CCDC30: variants seen among roughly 807,000 people sequenced by gnomAD.
CCDC30 encodes the protein coiled-coil domain containing 30.
CCDC30 carries 70 observed loss-of-function variants against 100.2 expected under a neutral mutation model. That is an observed-to-expected ratio of 0.70 (90% CI 0.58 to 0.85). The LOEUF is 0.85. Among genes scored for constraint, CCDC30 ranks in the 40% least tolerant of loss-of-function variants. The probability of loss-of-function intolerance (pLI) is 0.00; values close to 1 mark genes in which losing one functional copy is unlikely to be tolerated. For synonymous variants in CCDC30, 233 were observed against 269.5 expected, an observed-to-expected ratio of 0.86 and a Z score of 1.33; for missense variants, 652 against 771.2, an observed-to-expected ratio of 0.85 and a Z score of 1.83.
chr1:42,555,798 T>C (rs1645356071), intron 6 of CCDC30, among the ~76,000 whole-genome samples: 1 of 152,188 alleles, frequency 6.6e-6, no homozygotes, highest in Non-Finnish European at 1.5e-5. Flanking sequence ...GTGATTCTCA[T>C]GTCTCAGCCT....
chr1:42,547,382 C>T (rs1406820999), intron 6 of CCDC30, among the ~76,000 whole-genome samples: 1 of 152,112 alleles, frequency 6.6e-6, no homozygotes, highest in African/African-American at 2.4e-5. Flanking sequence ...GAGATGGTTG[C>T]CTACATTGAG....
At chr1:42,564,277 G>C (rs1434817292) in intron 6 of CCDC30, among the ~76,000 whole-genome samples, 1 of 152,140 alleles carries the variant, frequency 6.6e-6, no homozygotes, top group Non-Finnish European at 1.5e-5. Flanking sequence ...AAAGTGTATT[G>C]CTGGTGTTTG....
At chr1:42,474,612 C>A (rs1005637879) in intron 1 of CCDC30, among the ~76,000 whole-genome samples, 1 of 152,214 alleles carries the variant, frequency 6.6e-6, no homozygotes, top group African/African-American at 2.4e-5. Flanking sequence ...TCAGTTATTT[C>A]GGTAGTCTAC....
chr1:42,574,527 A>G (rs911596364), intron 7 of CCDC30, among the ~76,000 whole-genome samples: 5 of 152,080 alleles, frequency 3.3e-5, no homozygotes, highest in Non-Finnish European at 7.4e-5. Context: ...TTTTTCTTTG[A>G]TCAGTCTCAC....
intron 6 of CCDC30, among the ~76,000 whole-genome samples, chr1:42,551,775 G>GTGTGTGTGTC (rs1645257596): frequency 6.6e-6 from 1 of 150,970 alleles, no homozygotes; most frequent in African/African-American, 2.4e-5. Context: ...GTGTGTGTGT[G>GTGTGTGTGTC]ACTGGAACTT....
chr1:42,467,576 C>G (rs1643629276), intron 1 of CCDC30, among the ~76,000 whole-genome samples: 1 of 152,122 alleles, frequency 6.6e-6, no homozygotes. Flanking sequence ...ATGGGTTGTT[C>G]AAGCTGAGTT....
At position 42,611,309 on chromosome 1, in the gene CCDC30, C is replaced by T. The variant is rs551409472; in HGVS notation, c.1277+219C>T. ...AGAGAGGGAAGGAGAAGGGAATTAC[C>T]ATTCATTGAGCTTTGATGGTATTGA... On this transcript the variant is annotated intron_variant, in intron 11 of 16. Coordinates refer to ENST00000668663, the Ensembl canonical transcript of CCDC30. Among the ~76,000 whole-genome samples the T allele has an allele frequency of 3.3e-5, 5 of 152,198 alleles. No individual in the cohort carries two copies. The South Asian group carries it at 8.3e-4, about 25-fold the overall frequency.
intron 11 of CCDC30, among the ~76,000 whole-genome samples, chr1:42,613,451 G>A (rs1441533303): frequency 2.0e-5 from 3 of 152,030 alleles, no homozygotes; most frequent in Non-Finnish European, 4.4e-5. Flanking sequence ...TAGAGACGGG[G>A]TTTCACCGTG....
Position 42,498,933 on chromosome 1 carries a change from T to G in CCDC30, c.456+17T>G, listed in dbSNP as rs1388979805. On this transcript the variant is annotated intron_variant, in intron 6 of 16. Transcript: ENST00000668663. The stretch of plus-strand genomic sequence containing the variant: ...AGAGAACAGGTATTGTATTTTAAAG[T>G]TCTGTTCTTTCTGATCTCTAATTTT... 8.4e-7 allele frequency: 1 copy of G among 1,185,318 alleles called. No individual in the cohort carries two copies. The highest frequency in any genetic ancestry group is 1.1e-6 in the Non-Finnish European group (1 of 943,700). The allele number at this position is 1,185,318 out of a possible 1,614,324, so 73.4% of individuals were successfully genotyped here. A position where few individuals can be genotyped will look rare whatever the true frequency, so the allele number is the denominator to read the frequency against.
intron 6 of CCDC30, among the ~76,000 whole-genome samples, chr1:42,546,408 A>ACACATATATATATGTATATATG (rs1557843073): frequency 1.1e-3 from 7 of 6,222 alleles, no homozygotes; most frequent in African/African-American, 5.3e-3. Flanking sequence ...AAATATATAT[A>ACACATATATATATGTATATATG]TATATATATA....
chr1:42,490,841 A>G (rs1644127632), intron 4 of CCDC30, among the ~76,000 whole-genome samples: 1 of 152,226 alleles, frequency 6.6e-6, no homozygotes, highest in South Asian at 2.1e-4. Flanking sequence ...CCTGTGATCA[A>G]TACAAATCAT....
chr1:42,477,737 G>A, intron 1 of CCDC30, among the ~76,000 whole-genome samples: 1 of 152,198 alleles, frequency 6.6e-6, no homozygotes, highest in East Asian at 1.9e-4. Context: ...GCCAGTGGTT[G>A]TAGTTCAGTG....
chr1:42,571,401 T>C (rs1012799004), intron 7 of CCDC30: 1 of 152,128 alleles, frequency 6.6e-6, no homozygotes, highest in South Asian at 2.1e-4. Context: ...CTGGAGTGCC[T>C]TTTTAGAAGA....
chr1:42,613,341 G>GCCT (rs1319750385), intron 11 of CCDC30, among the ~76,000 whole-genome samples: 2 of 152,040 alleles, frequency 1.3e-5, no homozygotes, highest in African/African-American at 4.8e-5. Context: ...TGCAAGCTCC[G>GCCT]CCTCCCAGGT....
At chr1:42,648,247 G>A (rs1299766425) in intron 15 of CCDC30, among the ~76,000 whole-genome samples, 2 of 152,028 alleles carry the variant, frequency 1.3e-5, no homozygotes, top group Admixed American at 6.6e-5. Flanking sequence ...GCCTTAAGAG[G>A]GAAGTTTATA....
At chr1:42,546,191 G>A (rs1262073866) in intron 6 of CCDC30, among the ~76,000 whole-genome samples, 1 of 150,486 alleles carries the variant, frequency 6.6e-6, no homozygotes, top group Non-Finnish European at 1.5e-5. Flanking sequence ...TTCGAGATCA[G>A]CATGACCAAC....
At chr1:42,473,179 C>T (rs1157389471) in intron 1 of CCDC30, 1 of 1,230,918 alleles carries the variant, frequency 8.1e-7, no homozygotes, top group African/African-American at 1.6e-5. Flanking sequence ...AATCAATCCC[C>T]TTGCTACTAC....
In CCDC30 at chr1:42,513,234, T is replaced by C. The variant is rs187468381; in HGVS notation, c.456+14318T>C. Among the ~76,000 whole-genome samples the C allele has an allele frequency of 4.4e-3, 670 of 152,204 alleles. 2 individuals carry two copies. The highest frequency in any genetic ancestry group is 7.8e-3 in the Non-Finnish European group (532 of 67,994). On this transcript the variant is annotated intron_variant, in intron 6 of 16. Transcript: ENST00000668663. Reference sequence around the variant, plus strand: ...AAGGAGAGAGGAGAGCAGCTCTCTCTTGTGAGAGAGAGGGGCATCTGAAAG... The same window carrying C: ...AAGGAGAGAGGAGAGCAGCTCTCTCCTGTGAGAGAGAGGGGCATCTGAAAG...
At chr1:42,568,816 G>A (rs1056078271) in intron 7 of CCDC30, among the ~76,000 whole-genome samples, 5 of 150,942 alleles carry the variant, frequency 3.3e-5, no homozygotes, top group Admixed American at 6.6e-5. Context: ...GGTAGCACAC[G>A]CCTGTAGTCC....
Sources: allele counts gnomAD v4.1 joint callset (sites outside exome capture counted in the v4.1 genomes callset), GRCh38; gene constraint gnomAD v4.1.1; transcripts MANE v1.5; gene names NCBI Gene and HGNC (gene_info 2026-07-23, HGNC 2026-07-21).